Variants in ZNF527 observed in about 807,000 individuals in gnomAD.
ZNF527 encodes the protein zinc finger protein 527.
In ZNF527, 5 loss-of-function variants were observed where a neutral mutation model predicts 13.5. The ratio of observed to expected loss-of-function variants is 0.37; its 90% CI spans 0.19 to 0.78. The LOEUF (loss-of-function observed/expected upper bound fraction) is 0.78. Ranked by LOEUF, ZNF527 falls within the 30% of genes least tolerant of loss-of-function variation. The pLI, the probability that ZNF527 is intolerant of heterozygous loss-of-function variation, is 0.48. For missense variants in ZNF527, 628 were observed against 726.4 expected, an observed-to-expected ratio of 0.86 and a Z score of 1.56; for synonymous variants, 209 against 243.1, an observed-to-expected ratio of 0.86 and a Z score of 1.30.
chr19:37,379,997 C>T (rs2040640026), intron 3 of ZNF527: 1 of 283,056 alleles, frequency 3.5e-6, no homozygotes, highest in African/African-American at 2.2e-5. Context: ...GTTTCTGATG[C>T]AGTAGTTCTG....
intron 4 of ZNF527, among the ~76,000 whole-genome samples, chr19:37,386,299 G>A (rs1188276539): frequency 1.3e-5 from 2 of 151,784 alleles, no homozygotes; most frequent in Non-Finnish European, 2.9e-5. Context: ...GAGCCACTGC[G>A]CCCAGCTAAT....
intron 4 of ZNF527, among the ~76,000 whole-genome samples, chr19:37,383,044 C>T (rs1466584103): frequency 6.6e-6 from 1 of 152,072 alleles, no homozygotes; most frequent in Non-Finnish European, 1.5e-5. Context: ...CTACATTCCC[C>T]TCCAGAAAAG....
intron 2 of ZNF527, among the ~76,000 whole-genome samples, chr19:37,377,050 G>A (rs556824796): frequency 1.6e-4 from 25 of 152,112 alleles, no homozygotes; most frequent in Admixed American, 1.0e-3. Flanking sequence ...AACAACTTAC[G>A]GGAAGAGTTT....
Position 37,389,885 on chromosome 19 carries a change from A to G in ZNF527, c.*6A>G, listed in dbSNP as rs1363987036. Reference sequence around the variant, plus strand: ...ATAATAGAGAAACGCTCTGATTATAACAAGTATAGGAAAGAAAACATGTGG... The same window carrying G: ...ATAATAGAGAAACGCTCTGATTATAGCAAGTATAGGAAAGAAAACATGTGG... On this transcript the variant is annotated 3_prime_UTR_variant, in exon 5 of 5. Coordinates refer to ENST00000436120, the MANE Select transcript of ZNF527 (RefSeq NM_032453.2). 5 of 1,568,350 alleles carry G rather than the reference A, an allele frequency of 3.2e-6. No individual in the cohort carries two copies. In the South Asian group the frequency reaches 6.0e-5, roughly 19 times the overall value.
intron 4 of ZNF527, among the ~76,000 whole-genome samples, chr19:37,381,411 T>A (rs1416096654): frequency 6.6e-6 from 1 of 152,236 alleles, no homozygotes; most frequent in Non-Finnish European, 1.5e-5. Context: ...TGCACTCAAT[T>A]TGGATCTATC....
chr19:37,380,813 T>C (rs1026899093), intron 4 of ZNF527, among the ~76,000 whole-genome samples: 1 of 152,178 alleles, frequency 6.6e-6, no homozygotes, highest in Non-Finnish European at 1.5e-5. Flanking sequence ...AAGGAATTCT[T>C]GTTCCCGGCT....
At chr19:37,385,054 G>A (rs2146818851) in intron 4 of ZNF527, 2 of 617,238 alleles carry the variant, frequency 3.2e-6, no homozygotes, top group Non-Finnish European at 6.0e-6. Flanking sequence ...TAGCACTCCT[G>A]GGCTCAAGCG....
chr19:37,375,311 T>TTTCCTTTCTTTCTTTCTTTC (rs760003304), intron 2 of ZNF527, among the ~76,000 whole-genome samples: 2 of 79,838 alleles, frequency 2.5e-5, no homozygotes, highest in South Asian at 4.8e-4. Flanking sequence ...TCTTTCTTTC[T>TTTCCTTTCTTTCTTTCTTTC]TTTCTTTCTT....
chr19:37,390,877 A>G lies in ZNF527; in HGVS notation c.*998A>G, dbSNP rs758003303. ...AATTTTTTACGTGGCATAATTATTT[A>G]TCCTGAGGAGCAACCTTCTGATATA... is the stretch of plus-strand genomic sequence containing the variant. On this transcript the variant is annotated 3_prime_UTR_variant, in exon 5 of 5. Coordinates refer to ENST00000436120, the MANE Select transcript of ZNF527 (RefSeq NM_032453.2). 7.2e-5 allele frequency: 11 copies of G among 152,236 alleles called. No individual in the cohort carries two copies. Among genetic ancestry groups the G allele is most frequent in the Admixed American group, 2.0e-4 (3 of 15,288 alleles). 9.4% of individuals were successfully genotyped at this position (152,236 alleles called of 1,614,324 possible).
At chr19:37,371,548 TTGTG>T (rs1302509400) in intron 1 of ZNF527, among the ~76,000 whole-genome samples, 3 of 152,046 alleles carry the variant, frequency 2.0e-5, no homozygotes, top group African/African-American at 2.4e-5. Flanking sequence ...GGGTGTGACA[TTGTG>T]TGTTTGTGTA....
intron 4 of ZNF527, among the ~76,000 whole-genome samples, chr19:37,381,452 T>C (rs943100423): frequency 6.6e-6 from 1 of 152,208 alleles, no homozygotes; most frequent in Non-Finnish European, 1.5e-5. Flanking sequence ...CATAATTAGA[T>C]TGAGGTAGTG....
At chr19:37,388,148 T>A (rs1240984359) in intron 4 of ZNF527, among the ~76,000 whole-genome samples, 158 bp from the exon 5 acceptor site, 1 of 152,212 alleles carries the variant, frequency 6.6e-6, no homozygotes, top group East Asian at 1.9e-4. Flanking sequence ...GCTTCCATTG[T>A]CTTTTGTTCA....
Position 37,392,734 on chromosome 19 carries a change from G to A in ZNF527, c.*2855G>A, listed in dbSNP as rs572904524. 1 of 152,060 alleles carries A rather than the reference G, an allele frequency of 6.6e-6. No individual in the cohort carries two copies. Among genetic ancestry groups the A allele is most frequent in the African/African-American group, 2.4e-5 (1 of 41,384 alleles). The allele number at this position is 152,060 out of a possible 1,614,324, so 9.4% of individuals were successfully genotyped here. A position where few individuals can be genotyped will look rare whatever the true frequency, so the allele number is the denominator to read the frequency against. Reference sequence around the variant, plus strand: ...ATGTATGGCACCTGATTTCATCCTCGAGAGTGACGTAAACCTAAGCTACTG... The same window carrying A: ...ATGTATGGCACCTGATTTCATCCTCAAGAGTGACGTAAACCTAAGCTACTG... On this transcript the variant is annotated 3_prime_UTR_variant, in exon 5 of 5. Coordinates refer to ENST00000436120, the MANE Select transcript of ZNF527 (RefSeq NM_032453.2).
At chr19:37,377,236 C>G (rs2040615620) in intron 2 of ZNF527, among the ~76,000 whole-genome samples, 1 of 151,966 alleles carries the variant, frequency 6.6e-6, no homozygotes. Flanking sequence ...GGGAGAGAGG[C>G]GAAAATGTCT....
chr19:37,390,016 A>G lies in ZNF527; in HGVS notation c.*137A>G. 8.9e-7 allele frequency: 1 copy of G among 1,121,336 alleles called. No individual in the cohort carries two copies. The highest frequency in any genetic ancestry group is 2.5e-5 in the East Asian group (1 of 40,114). 69.5% of individuals were successfully genotyped at this position (1,121,336 alleles called of 1,614,324 possible). The stretch of plus-strand genomic sequence containing the variant: ...GAGTATCCGTTATTTGAAGTAGCTC[A>G]GTAGTAGACATCTGTTACTTTTTTT... On this transcript the variant is annotated 3_prime_UTR_variant, in exon 5 of 5. Coordinates refer to ENST00000436120, the MANE Select transcript of ZNF527 (RefSeq NM_032453.2).
At chr19:37,386,876 G>A (rs1268433488) in intron 4 of ZNF527, among the ~76,000 whole-genome samples, 1 of 152,180 alleles carries the variant, frequency 6.6e-6, no homozygotes, top group African/African-American at 2.4e-5. Flanking sequence ...TGAGATCCAG[G>A]CAAGTGAGTG....
rs2040730664 is a variant in ZNF527 at position 37,389,354 on chromosome 19, TC to T, written c.1306del (p.His436ThrfsTer22). 1 of 1,613,990 alleles carries T rather than the reference TC, an allele frequency of 6.2e-7. No individual in the cohort carries two copies. The highest frequency in any genetic ancestry group is 1.3e-5 in the African/African-American group (1 of 74,902). On this transcript the variant is annotated frameshift_variant, in exon 5 of 5. Coordinates refer to ENST00000436120, the MANE Select transcript of ZNF527 (RefSeq NM_032453.2). LOFTEE classifies it low-confidence loss of function (END_TRUNC). ...TAGCCCTTACTCTACATCAAAGAAT[TC>T]ACACAGGAGAGAAACCCTTCAAATG... ...RIALTLHQRI[H>X]TGEKPFKCSE... is the part of the protein sequence containing the mutation.
At chr19:37,380,553 G>A (rs1326863056) in intron 4 of ZNF527, among the ~76,000 whole-genome samples, 181 bp downstream of exon 4, 5 of 152,004 alleles carry the variant, frequency 3.3e-5, no homozygotes, top group Middle Eastern at 3.4e-3. Flanking sequence ...TATACTCTCC[G>A]GTCTTCCACC....
intron 4 of ZNF527, among the ~76,000 whole-genome samples, chr19:37,381,401 T>C (rs189483108): frequency 1.1e-3 from 160 of 152,348 alleles, no homozygotes; most frequent in Middle Eastern, 3.4e-3. Context: ...TATATTTGCA[T>C]GCACTCAATT....
Sources: gnomAD v4.1 joint callset for allele counts (sites outside exome capture counted in the v4.1 genomes callset) on GRCh38, gnomAD v4.1.1 for gene constraint, MANE v1.5 for transcripts, NCBI Gene and HGNC (gene_info 2026-07-23, HGNC 2026-07-21) for gene names.